Variants in ZNF148 observed in about 807,000 individuals in gnomAD.
The protein encoded by ZNF148 is zinc finger protein 148.
In ZNF148, 7 loss-of-function variants were observed where a neutral mutation model predicts 67.7. That is an observed-to-expected ratio of 0.10 (90% CI 0.06 to 0.19). The LOEUF (loss-of-function observed/expected upper bound fraction) is 0.19, where lower values mean the gene tolerates loss of function less well. Among genes scored for constraint, ZNF148 ranks in the 10% least tolerant of loss-of-function variants. The pLI is 1.00. For missense variants in ZNF148, 583 were observed against 947.1 expected (o/e 0.62, Z 5.05); for synonymous variants, 333 against 330.7 (o/e 1.01, Z -0.08).
chr3:125,278,250 C>T (rs1938179936), intron 6 of ZNF148, among the ~76,000 whole-genome samples: 1 of 152,120 alleles, frequency 6.6e-6, no homozygotes, highest in African/African-American at 2.4e-5. Context: ...ACTTTCTAAA[C>T]ATCCCTTTTT....
At chr3:125,369,437 T>C (rs1367042625) in intron 1 of ZNF148, among the ~76,000 whole-genome samples, 1 of 139,526 alleles carries the variant, frequency 7.2e-6, no homozygotes, top group Non-Finnish European at 1.5e-5. Flanking sequence ...TATGAACTCC[T>C]AGCAAACAGG....
chr3:125,287,337 A>T (rs1938715940), intron 5 of ZNF148, among the ~76,000 whole-genome samples: 1 of 152,182 alleles, frequency 6.6e-6, no homozygotes, highest in Non-Finnish European at 1.5e-5. Context: ...AGCTATCACT[A>T]TACTAAAGAG....
chr3:125,357,619 C>G (rs956818459), intron 1 of ZNF148: 1 of 152,648 alleles, frequency 6.6e-6, no homozygotes, highest in African/African-American at 2.4e-5. Context: ...CAGTCCCGCC[C>G]GCGCAGCTGG....
At chr3:125,303,504 T>C (rs1365409659) in intron 4 of ZNF148, among the ~76,000 whole-genome samples, 2 of 152,188 alleles carry the variant, frequency 1.3e-5, no homozygotes, top group Admixed American at 6.5e-5. Context: ...ACCGACAGCA[T>C]TAAATTCTCA....
At chr3:125,333,224 C>T (rs1189919671) in intron 1 of ZNF148, among the ~76,000 whole-genome samples, 1 of 152,160 alleles carries the variant, frequency 6.6e-6, no homozygotes, top group Non-Finnish European at 1.5e-5. Flanking sequence ...CACTAAATTA[C>T]TGCAGCTACA....
At chr3:125,367,445 A>G (rs1224657038) in intron 1 of ZNF148, among the ~76,000 whole-genome samples, 1 of 152,160 alleles carries the variant, frequency 6.6e-6, no homozygotes, top group Non-Finnish European at 1.5e-5. Flanking sequence ...ATATTCTTTA[A>G]ACAGATTTTT....
At chr3:125,297,138 T>A (rs78114522) in intron 4 of ZNF148, among the ~76,000 whole-genome samples, 16 of 9,288 alleles carry the variant, frequency 1.7e-3, no homozygotes, top group Non-Finnish European at 3.3e-3. Context: ...TTAAAAAAAA[T>A]ATTATTATCT....
At chr3:125,315,346 C>T (rs1940433507) in intron 3 of ZNF148, among the ~76,000 whole-genome samples, 1 of 151,868 alleles carries the variant, frequency 6.6e-6, no homozygotes, top group East Asian at 1.9e-4. Context: ...CACTATCAGA[C>T]AAATCACTAA....
At chr3:125,252,902 C>T (rs1386905468) in intron 7 of ZNF148, among the ~76,000 whole-genome samples, 1 of 152,068 alleles carries the variant, frequency 6.6e-6, no homozygotes, top group Non-Finnish European at 1.5e-5. Flanking sequence ...CTGTTTCTCC[C>T]TGTGCCAATT....
intron 7 of ZNF148, among the ~76,000 whole-genome samples, chr3:125,250,600 T>A (rs1217510005): frequency 6.6e-6 from 1 of 152,234 alleles, no homozygotes; most frequent in African/African-American, 2.4e-5. Flanking sequence ...GGCACCCCAG[T>A]CATTAATTTA....
intron 1 of ZNF148, among the ~76,000 whole-genome samples, chr3:125,332,461 T>TA (rs1941330034): frequency 6.6e-6 from 1 of 152,186 alleles, no homozygotes; most frequent in Non-Finnish European, 1.5e-5. Flanking sequence ...AAAGCTAAAT[T>TA]ATGTTAAATT....
At chr3:125,248,277 T>C (rs1936689254) in intron 7 of ZNF148, among the ~76,000 whole-genome samples, 1 of 152,214 alleles carries the variant, frequency 6.6e-6, no homozygotes, top group South Asian at 2.1e-4. Context: ...CTTCTAACAT[T>C]TTAAATTAGT....
intron 7 of ZNF148, among the ~76,000 whole-genome samples, chr3:125,258,181 G>A (rs1279105580): frequency 1.3e-5 from 2 of 151,880 alleles, no homozygotes; most frequent in Admixed American, 1.3e-4. Flanking sequence ...CCAGAACTTT[G>A]GGAGGCCAAG....
chr3:125,301,848 G>T (rs966662954), intron 4 of ZNF148, among the ~76,000 whole-genome samples: 2 of 152,106 alleles, frequency 1.3e-5, no homozygotes, highest in Non-Finnish European at 2.9e-5. Flanking sequence ...TGGATCACCT[G>T]AGGTCAGGAG....
At chr3:125,351,665 C>G (rs1031252270) in intron 1 of ZNF148, among the ~76,000 whole-genome samples, 1 of 152,114 alleles carries the variant, frequency 6.6e-6, no homozygotes, top group Non-Finnish European at 1.5e-5. Flanking sequence ...CCTGATAAGT[C>G]TAACATCCAG....
chr3:125,275,231 T>C (rs2107601261), intron 7 of ZNF148, among the ~76,000 whole-genome samples: 1 of 152,328 alleles, frequency 6.6e-6, no homozygotes, highest in South Asian at 2.1e-4. Flanking sequence ...CTTTTCTTTG[T>C]TAAGGAACCC....
At chr3:125,349,816 A>G (rs1942072270) in intron 1 of ZNF148, among the ~76,000 whole-genome samples, 1 of 152,218 alleles carries the variant, frequency 6.6e-6, no homozygotes, top group African/African-American at 2.4e-5. Flanking sequence ...ACTACAGCTC[A>G]GATGACAGAG....
intron 1 of ZNF148, chr3:125,344,543 T>G (rs987247036): frequency 4.6e-6 from 5 of 1,086,998 alleles, no homozygotes; most frequent in Non-Finnish European, 7.1e-6. Context: ...TCAAATGGAC[T>G]GTCAAAATGA....
intron 1 of ZNF148, among the ~76,000 whole-genome samples, chr3:125,347,443 G>C (rs1033593484): frequency 6.6e-6 from 1 of 152,096 alleles, no homozygotes; most frequent in Non-Finnish European, 1.5e-5. Flanking sequence ...AACTAACAAA[G>C]CTACAGTAAT....
Sources: allele counts gnomAD v4.1 joint callset (sites outside exome capture counted in the v4.1 genomes callset), GRCh38; gene constraint gnomAD v4.1.1; transcripts MANE v1.5; gene names NCBI Gene and HGNC (gene_info 2026-07-23, HGNC 2026-07-21).